PDE11A: variants seen among roughly 807,000 people sequenced by gnomAD.
PDE11A encodes the protein phosphodiesterase 11A.
In PDE11A, 100 loss-of-function variants were observed where a neutral mutation model predicts 100.5. The ratio of observed to expected loss-of-function variants is 1.00; its 90% CI spans 0.85 to 1.18. PDE11A has a LOEUF of 1.18. Among genes scored for constraint, PDE11A ranks in the 50% most tolerant of loss-of-function variants. The pLI is 0.00. For missense variants in PDE11A, 1,141 were observed against 1,152.6 expected, an observed-to-expected ratio of 0.99 and a Z score of 0.15; for synonymous variants, 381 against 420.8, an observed-to-expected ratio of 0.91 and a Z score of 1.16.
chr2:177,714,056 C>A (rs1182169740), intron 12 of PDE11A, among the ~76,000 whole-genome samples: 2 of 119,920 alleles, frequency 1.7e-5, no homozygotes, highest in Non-Finnish European at 3.2e-5. Flanking sequence ...TGCAGTGGCG[C>A]GATCTTGGCT....
At chr2:177,966,490 T>G (rs2085699873) in intron 2 of PDE11A, among the ~76,000 whole-genome samples, 1 of 152,160 alleles carries the variant, frequency 6.6e-6, no homozygotes, top group African/African-American at 2.4e-5. Context: ...CTGTCATAGA[T>G]AGCTCTTATT....
At chr2:178,045,516 A>G (rs1234477027) in intron 1 of PDE11A, among the ~76,000 whole-genome samples, 1 of 152,204 alleles carries the variant, frequency 6.6e-6, no homozygotes, top group African/African-American at 2.4e-5. Context: ...ACCACACCAG[A>G]GACAGCAGTT....
At position 177,663,949 on chromosome 2, in the gene PDE11A, C is replaced by A. The variant is rs772883355; in HGVS notation, c.2563G>T (p.Ala855Ser). 6 of 1,605,864 alleles carry A rather than the reference C, an allele frequency of 3.7e-6. No individual in the cohort carries two copies. The highest frequency in any genetic ancestry group is 5.1e-6 in the Non-Finnish European group (6 of 1,172,568). The change falls in exon 19 of 20, where the codon GCA becomes TCA. Residue 855 changes from alanine to serine, a missense_variant and splice_region_variant. By Grantham distance (99) the Ala-to-Ser change is moderately conservative. Coordinates refer to ENST00000286063, the MANE Select transcript of PDE11A (RefSeq NM_016953.4). ...ERLELKLTPS[A>S]IFDRNRKDEL... The stretch of plus-strand genomic sequence containing the variant: ...TCCTTCCGGTTCCGATCAAAAATTG[C>A]CTAGAATGGGGGGCAGGAAGAACCT...
At chr2:177,659,303 A>C (rs553181586) in intron 19 of PDE11A, among the ~76,000 whole-genome samples, 5 of 152,064 alleles carry the variant, frequency 3.3e-5, no homozygotes, top group Admixed American at 3.3e-4. Context: ...AGGCAGAGAA[A>C]AAAATCAAAG....
chr2:177,819,613 C>T (rs2083100882), intron 7 of PDE11A, among the ~76,000 whole-genome samples: 1 of 151,954 alleles, frequency 6.6e-6, no homozygotes, highest in South Asian at 2.1e-4. Flanking sequence ...TGCTTTTGCC[C>T]ATGATTCCCT....
intron 2 of PDE11A, among the ~76,000 whole-genome samples, chr2:177,951,686 A>G (rs1404853818): frequency 6.6e-6 from 1 of 152,178 alleles, no homozygotes; most frequent in Non-Finnish European, 1.5e-5. Context: ...TGTTCATGCA[A>G]TGGGCAGTGC....
chr2:177,629,377 T>C lies in PDE11A; in HGVS notation c.*30A>G, dbSNP rs777823443. 5 of 1,605,340 alleles carry C rather than the reference T, an allele frequency of 3.1e-6. No homozygotes were observed. The Admixed American group carries it at 8.3e-5, about 27-fold the overall frequency. On this transcript the variant is annotated 3_prime_UTR_variant, in exon 20 of 20. Transcript: ENST00000286063. ...CTGAAAATGGCCCTTCAGGCTGTAG[T>C]CATTTTGCAGCTGCAGCTGACCTGG...
chr2:177,664,521 T>C (rs920914306), intron 18 of PDE11A, among the ~76,000 whole-genome samples: 1 of 152,218 alleles, frequency 6.6e-6, no homozygotes, highest in African/African-American at 2.4e-5. Context: ...GGTGGACTCA[T>C]TATCTCTTCA....
chr2:177,957,505 A>T (rs529654784), intron 2 of PDE11A, among the ~76,000 whole-genome samples: 2 of 152,184 alleles, frequency 1.3e-5, no homozygotes, highest in East Asian at 3.8e-4. Flanking sequence ...TGATTTTTAA[A>T]CCATTTTTGT....
At chr2:177,673,738 G>A (rs2080723017) in intron 17 of PDE11A, among the ~76,000 whole-genome samples, 1 of 152,176 alleles carries the variant, frequency 6.6e-6, no homozygotes, top group African/African-American at 2.4e-5. Context: ...GATGAGAAGG[G>A]TAAACTCTGG....
At chr2:177,965,453 A>G (rs1177243539) in intron 2 of PDE11A, among the ~76,000 whole-genome samples, 1 of 152,094 alleles carries the variant, frequency 6.6e-6, no homozygotes, top group Non-Finnish European at 1.5e-5. Context: ...TGTCCGGAAT[A>G]GTGTTTCCTA....
chr2:177,637,984 T>TACACAAAA (rs2080072083), intron 19 of PDE11A, among the ~76,000 whole-genome samples: 2 of 44,964 alleles, frequency 4.4e-5, no homozygotes, highest in East Asian at 1.2e-3. Context: ...CACGTGTATA[T>TACACAAAA]ATATATATAT....
intron 19 of PDE11A, among the ~76,000 whole-genome samples, chr2:177,651,626 CT>C (rs112366605): frequency 0.16 from 24,758 of 151,392 alleles, 3,253 homozygotes; most frequent in African/African-American, 0.36. Context: ...CTTCTTAGGT[CT>C]TTTTTTTTCT....
chr2:178,074,963 T>C (rs185765038), upstream of PDE11A, among the ~76,000 whole-genome samples: 35 of 152,238 alleles, frequency 2.3e-4, no homozygotes, highest in East Asian at 6.0e-3. Context: ...TGTGGCCACA[T>C]TGCCATTTAT....
intron 1 of PDE11A, among the ~76,000 whole-genome samples, chr2:178,036,521 A>G (rs572032629): frequency 6.6e-6 from 1 of 152,296 alleles, no homozygotes; most frequent in Non-Finnish European, 1.5e-5. Context: ...GAAAAAAACT[A>G]CTTTAAATTT....
chr2:178,071,068 A>G lies in PDE11A; in HGVS notation c.912+458T>C, dbSNP rs541237907. Among the ~76,000 whole-genome samples the G allele has an allele frequency of 3.3e-5, 5 of 152,332 alleles. No individual in the cohort carries two copies. In the South Asian group the frequency reaches 1.0e-3, roughly 32 times the overall value. On this transcript the variant is annotated intron_variant, in intron 1 of 19. Transcript: ENST00000286063. ...AGTTAAGCACTTTGTTCTCTTTCCA[A>G]TATTGACTTAGAGAATGAAGCATTA...
chr2:177,666,383 A>T (rs566551547), intron 18 of PDE11A, among the ~76,000 whole-genome samples: 1 of 152,326 alleles, frequency 6.6e-6, no homozygotes, highest in East Asian at 1.9e-4. Flanking sequence ...TTTTATGTGG[A>T]TGTATGTTTT....
At position 178,042,998 on chromosome 2, in the gene PDE11A, A is replaced by G. The variant is rs147012433; in HGVS notation, c.912+28528T>C. Among the ~76,000 whole-genome samples, 327 of 152,328 alleles carry G rather than the reference A, an allele frequency of 2.1e-3. 1 individual carries two copies. Among genetic ancestry groups the G allele is most frequent in the African/African-American group, 7.5e-3 (311 of 41,576 alleles). On this transcript the variant is annotated intron_variant, in intron 1 of 19. Transcript: ENST00000286063. ...CATCCATGGCTGCTAAAGATTTTAT[A>G]GATTTTTTTCCTTTTACAGGATAAA...
At chr2:177,935,226 T>C (rs1269362134) in intron 2 of PDE11A, among the ~76,000 whole-genome samples, 1 of 152,196 alleles carries the variant, frequency 6.6e-6, no homozygotes, top group African/African-American at 2.4e-5. Context: ...TCTTTTTGAA[T>C]TATGTAATTA....
Sources: allele counts gnomAD v4.1 joint callset (sites outside exome capture counted in the v4.1 genomes callset), GRCh38; gene constraint gnomAD v4.1.1; transcripts MANE v1.5; gene names NCBI Gene and HGNC (gene_info 2026-07-23, HGNC 2026-07-21).